The following SEZ6 variants were observed in gnomAD, a reference collection of about 807,000 sequenced individuals.
The protein encoded by SEZ6 is seizure related 6 homolog, also known as seizure protein 6 homolog.
Under a neutral mutation model 101.0 loss-of-function variants are expected in SEZ6, and 53 were observed. That is an observed-to-expected ratio of 0.52 (90% CI 0.42 to 0.66). The LOEUF (loss-of-function observed/expected upper bound fraction) is 0.66. Ranked by LOEUF, SEZ6 falls within the 30% of genes least tolerant of loss-of-function variation. The pLI is 0.00. For missense variants in SEZ6, 1,102 were observed against 1,289.4 expected (o/e 0.85, Z 2.23); for synonymous variants, 488 against 512.2 (o/e 0.95, Z 0.64).
intron 1 of SEZ6, among the ~76,000 whole-genome samples, chr17:28,986,626 C>G (rs764577806): frequency 6.6e-6 from 1 of 152,244 alleles, no homozygotes; most frequent in Non-Finnish European, 1.5e-5. Flanking sequence ...GGGGAACCGC[C>G]GAACCAGGCA....
intron 3 of SEZ6, among the ~76,000 whole-genome samples, chr17:28,973,838 G>A (rs977611971): frequency 1.3e-5 from 2 of 152,308 alleles, no homozygotes; most frequent in Admixed American, 1.3e-4. Context: ...CATACCCATA[G>A]CCAGTGACAG....
intron 5 of SEZ6, among the ~76,000 whole-genome samples, chr17:28,963,386 C>T (rs1429557767): frequency 5.9e-5 from 9 of 152,014 alleles, no homozygotes; most frequent in Admixed American, 5.9e-4. Context: ...AATTCTAAGG[C>T]CCTCCCTTCT....
chr17:28,969,593 A>C (rs1285952148), intron 4 of SEZ6, among the ~76,000 whole-genome samples, 164 bp downstream of exon 4: 1 of 152,138 alleles, frequency 6.6e-6, no homozygotes, highest in East Asian at 1.9e-4. Context: ...CAGATACGCG[A>C]TACTTACCTC....
rs770869117 is a variant in SEZ6, at chr17:28,987,990, G to A, written c.56-5951C>T. On this transcript the variant is annotated intron_variant, in intron 1 of 16. Transcript: ENST00000317338. Reference sequence around the variant, plus strand: ...CCAAGCTGGACACCACTATCCTAGCGCACTCGTGCCAGGAGCCCTGCAGCT... The same window carrying A: ...CCAAGCTGGACACCACTATCCTAGCACACTCGTGCCAGGAGCCCTGCAGCT... Among the ~76,000 whole-genome samples the A allele has an allele frequency of 1.2e-3, 186 of 152,278 alleles. 2 individuals are homozygous for A. The highest frequency in any genetic ancestry group is 1.2e-3 in the Admixed American group (18 of 15,296).
At chr17:28,996,755 C>A (rs1203811143) in intron 1 of SEZ6, among the ~76,000 whole-genome samples, 1 of 152,148 alleles carries the variant, frequency 6.6e-6, no homozygotes. Flanking sequence ...CTGGGGCTTC[C>A]TCTCCCCAGA....
At chr17:28,973,225 TA>T (rs2041178220) in intron 3 of SEZ6, among the ~76,000 whole-genome samples, 1 of 152,192 alleles carries the variant, frequency 6.6e-6, no homozygotes, top group African/African-American at 2.4e-5. Context: ...AAAGGTCACA[TA>T]GGGGTTAAGC....
chr17:28,977,564 G>A (rs551106142), intron 3 of SEZ6, among the ~76,000 whole-genome samples: 1 of 152,364 alleles, frequency 6.6e-6, no homozygotes, highest in South Asian at 2.1e-4. Flanking sequence ...CAGACACGGG[G>A]CTTATGTGAG....
chr17:28,998,901 A>G (rs2041578389), intron 1 of SEZ6, among the ~76,000 whole-genome samples: 2 of 152,186 alleles, frequency 1.3e-5, no homozygotes, highest in African/African-American at 4.8e-5. Flanking sequence ...AGGCCAGAGT[A>G]GCTGGATCAT....
In SEZ6 at chr17:28,969,897, C is replaced by A. The variant is rs375105490; in HGVS notation, c.914G>T (p.Gly305Val). 1.6e-5 allele frequency: 24 copies of A among 1,545,096 alleles called. No homozygotes were observed. Among genetic ancestry groups the A allele is most frequent in the Admixed American group, 4.4e-5 (2 of 45,326 alleles). ...GETVTVEGLG[G>V]PDPLPLANQS... ...GTTGGCCAGGGGCAGTGGGTCAGGC[C>A]CCCCCAGGCCTTCCACAGTCACTGT... is the stretch of plus-strand genomic sequence containing the variant. The change falls in exon 4 of 17, where the codon GGG (glycine) becomes GTG (valine). Residue 305 changes from glycine to valine, a missense_variant. This residue lies in a region of SEZ6 where 406 missense variants were observed against 418.6 expected (regional missense o/e 0.97). Coordinates refer to ENST00000317338, the MANE Select transcript of SEZ6 (RefSeq NM_178860.5).
At chr17:28,967,983 C>G (rs139734719) in intron 4 of SEZ6, among the ~76,000 whole-genome samples, 3 of 152,132 alleles carry the variant, frequency 2.0e-5, no homozygotes, top group Non-Finnish European at 4.4e-5. Flanking sequence ...AGGGGGATGT[C>G]TGTCAGGGCC....
chr17:29,005,588 TA>T lies in SEZ6; in HGVS notation c.55+226del, dbSNP rs2041677267. The stretch of plus-strand genomic sequence containing the variant: ...ATCCCATTAGATCTGGGGAGATGAT[TA>T]AAGACGAGGTCTCGGCCGGGCGCGA... On this transcript the variant is annotated intron_variant, in intron 1 of 16. Transcript: ENST00000317338. This position sits in a 1 kb window ranked among gnomAD's most constrained non-coding sequence, Gnocchi z 4.8. Among the ~76,000 whole-genome samples the T allele has an allele frequency of 6.6e-6, 1 of 151,858 alleles. No homozygotes were observed. Among genetic ancestry groups the T allele is most frequent in the South Asian group, 2.1e-4 (1 of 4,834 alleles).
chr17:28,963,406 C>A (rs1013756702), intron 5 of SEZ6, among the ~76,000 whole-genome samples: 1 of 152,180 alleles, frequency 6.6e-6, no homozygotes, highest in Non-Finnish European at 1.5e-5. Flanking sequence ...TCATAAGCTT[C>A]AACAGCTCCT....
chr17:28,969,776 G>A lies in SEZ6; in HGVS notation c.1035C>T (p.Thr345=), dbSNP rs759711304. 4.7e-6 allele frequency: 7 copies of A among 1,497,658 alleles called. No individual in the cohort carries two copies. Among genetic ancestry groups the A allele is most frequent in the African/African-American group, 1.5e-5 (1 of 67,700 alleles). 92.8% of individuals were successfully genotyped at this position (1,497,658 alleles called of 1,614,324 possible). ...CCTTACCTTGGTAATGGAAATGGAAGGTGCCAGGGCCAGCCGGTGGCGGGA... is the reference window on the plus strand; with the variant it reads ...CCTTACCTTGGTAATGGAAATGGAAAGTGCCAGGGCCAGCCGGTGGCGGGA... ...QSLPPPAGPG[T]FHFHYQAYLL... Residue 345 remains threonine (T), a synonymous_variant, in exon 4 of 17, where the codon ACC becomes ACT. Transcript: ENST00000317338.
intron 1 of SEZ6, among the ~76,000 whole-genome samples, chr17:28,996,723 G>A (rs574976557): frequency 5.9e-5 from 9 of 152,258 alleles, no homozygotes; most frequent in South Asian, 2.1e-4. Flanking sequence ...AGAAATGCAC[G>A]TAGACATGGC....
At chr17:29,004,509 G>A (rs1265673222) in intron 1 of SEZ6, among the ~76,000 whole-genome samples, 2 of 152,228 alleles carry the variant, frequency 1.3e-5, no homozygotes, top group Non-Finnish European at 2.9e-5. Context: ...GTGTGCAAGT[G>A]GAGCTAGAGG....
At chr17:28,999,997 A>C (rs1331413762) in intron 1 of SEZ6, among the ~76,000 whole-genome samples, 2 of 152,200 alleles carry the variant, frequency 1.3e-5, no homozygotes, top group East Asian at 3.8e-4. Flanking sequence ...AGGGCTGTTT[A>C]TGTCTTGGGT....
At position 28,979,716 on chromosome 17, in the gene SEZ6, G is replaced by A. The variant is rs1220578224; in HGVS notation, c.822C>T (p.Tyr274=). Residue 274 remains tyrosine, a synonymous_variant, in exon 3 of 17, where the codon TAC becomes TAT. Coordinates refer to ENST00000317338, the MANE Select transcript of SEZ6 (RefSeq NM_178860.5). Reference sequence around the variant, plus strand: ...CGCCATAGCCAGGGTAGACAGAGATGTAGAAGAAGCAGTCCAGGCCAACAT... The same window carrying A: ...CGCCATAGCCAGGGTAGACAGAGATATAGAAGAAGCAGTCCAGGCCAACAT... ...PTDVGLDCFF[Y]ISVYPGYGVE... 3.1e-6 allele frequency: 5 copies of A among 1,614,038 alleles called. No homozygotes were observed. The highest frequency in any genetic ancestry group is 4.2e-6 in the Non-Finnish European group (5 of 1,179,894).
chr17:28,985,041 A>T (rs1200463546), intron 1 of SEZ6, among the ~76,000 whole-genome samples: 1 of 152,196 alleles, frequency 6.6e-6, no homozygotes, highest in Non-Finnish European at 1.5e-5. Flanking sequence ...CAAAGACCTG[A>T]AGCCTAGAGA....
rs764993286 is a variant in SEZ6 at position 28,957,240 on chromosome 17, C to T, written c.2497G>A (p.Glu833Lys). 1.9e-6 allele frequency: 3 copies of T among 1,614,010 alleles called. No individual in the cohort carries two copies. The highest frequency in any genetic ancestry group is 2.2e-5 in the South Asian group (2 of 91,086). The change falls in exon 13 of 17, where the codon GAA becomes AAA. Residue 833 changes from glutamate (E) to lysine (K), a missense_variant and splice_region_variant. By Grantham distance (56) the Glu-to-Lys change is moderately conservative. Transcript: ENST00000317338. The stretch of plus-strand genomic sequence containing the variant: ...AGACCATGGCATGGCTTGAGCTGTT[C>T]CACTACAAAGCAGGCAGAGTGCAGT... ...WSDRAPKCLL[E>K]QLKPCHGLSA...
Sources: gnomAD v4.1 joint callset for allele counts (sites outside exome capture counted in the v4.1 genomes callset) on GRCh38, gnomAD v4.1.1 for gene constraint, gnomAD v4.1.1 regional missense constraint, Gnocchi (gnomAD v3.1) non-coding constraint, MANE v1.5 for transcripts, NCBI Gene and HGNC (gene_info 2026-07-23, HGNC 2026-07-21) for gene names.